The following BRD8 variants were observed in gnomAD, a reference collection of about 807,000 sequenced individuals.
BRD8 encodes bromodomain containing 8, also known as bromodomain-containing protein 8.
In BRD8, 67 loss-of-function variants were observed where a neutral mutation model predicts 143.1. The ratio of observed to expected loss-of-function variants is 0.47; its 90% confidence interval spans 0.38 to 0.57. BRD8 has a LOEUF of 0.57. Among genes scored for constraint, BRD8 ranks in the 20% least tolerant of loss-of-function variants. The pLI is 0.00. For missense variants in BRD8, 1,103 were observed against 1,503.0 expected, an observed-to-expected ratio of 0.73 and a Z score of 4.40; for synonymous variants, 505 against 517.1, an observed-to-expected ratio of 0.98 and a Z score of 0.32.
intron 23 of BRD8, 59 bp downstream of exon 23, chr5:138,149,581 C>A: frequency 2.2e-6 from 3 of 1,376,970 alleles, no homozygotes; most frequent in Admixed American, 2.7e-5. Flanking sequence ...TTTCATGATT[C>A]AAATAGGCAT....
intron 8 of BRD8, chr5:138,168,754 T>G (rs761779856): frequency 1.9e-5 from 15 of 796,820 alleles, no homozygotes; most frequent in Non-Finnish European, 3.2e-5. Flanking sequence ...CTAATCTGTA[T>G]GGGTTAGTGT....
At position 138,139,833 on chromosome 5, in the gene BRD8, T is replaced by C. The variant is rs1222944960; in HGVS notation, c.*241A>G. Reference sequence around the variant, plus strand: ...AGAAAAGATCTAATGGAATTGTCTTTAAATCAAGCCGATGGAACAAAGATG... The same window carrying C: ...AGAAAAGATCTAATGGAATTGTCTTCAAATCAAGCCGATGGAACAAAGATG... On this transcript the variant is annotated 3_prime_UTR_variant, in exon 27 of 27. Transcript: ENST00000254900. The C allele has an allele frequency of 1.0e-5, 5 of 499,898 alleles. No individual in the cohort carries two copies. Among genetic ancestry groups the C allele is most frequent in the Non-Finnish European group, 1.8e-5 (5 of 283,582 alleles). 31.0% of individuals were successfully genotyped at this position (499,898 alleles called of 1,614,324 possible).
At chr5:138,165,720 T>C (rs1753351108) in intron 11 of BRD8, 108 bp downstream of exon 11, 11 of 1,186,182 alleles carry the variant, frequency 9.3e-6, no homozygotes, top group Middle Eastern at 2.8e-4. Flanking sequence ...AGCAAGACTC[T>C]GTCTCCAAAA....
rs536828821 is a variant in BRD8, at chr5:138,173,332, A to G, written c.117-1198T>C. ...ACAATCACTTAAATCCAGGAGGTGG[A>G]GGTTGCAGTGAGCCGAGATCGTGCC... On this transcript the variant is annotated intron_variant, in intron 2 of 26. Transcript: ENST00000254900. Among the ~76,000 whole-genome samples the G allele has an allele frequency of 4.0e-5, 6 of 151,660 alleles. No homozygotes were observed. The East Asian group carries it at 9.7e-4, about 25-fold the overall frequency.
intron 2 of BRD8, among the ~76,000 whole-genome samples, chr5:138,175,198 T>G (rs1754223498): frequency 6.6e-6 from 1 of 152,180 alleles, no homozygotes; most frequent in Admixed American, 6.5e-5. Context: ...ACTTAAGTTT[T>G]TAACCCATTT....
rs574971500 is a variant in BRD8, at chr5:138,161,151, T to C, written c.2250-83A>G. On this transcript the variant is annotated intron_variant, in intron 17 of 26. Coordinates refer to ENST00000254900, the MANE Select transcript of BRD8 (RefSeq NM_139199.2). ...TCTATGAATACATTATCATATAGACTTTCTCATATATACCTTAACTCCCAG... is the reference window on the plus strand; with the variant it reads ...TCTATGAATACATTATCATATAGACCTTCTCATATATACCTTAACTCCCAG... The C allele has an allele frequency of 5.6e-5, 63 of 1,121,548 alleles. 2 individuals are homozygous for C. In the South Asian group the frequency reaches 1.0e-3, roughly 18 times the overall value. 69.5% of individuals were successfully genotyped at this position (1,121,548 alleles called of 1,614,324 possible).
intron 8 of BRD8, 77 bp downstream of exon 8, chr5:138,169,144 AG>A: frequency 6.6e-7 from 1 of 1,507,698 alleles, no homozygotes; most frequent in Non-Finnish European, 8.9e-7. Flanking sequence ...CTAGGCCAAA[AG>A]TGGTTTCCTC....
intron 2 of BRD8, 44 bp downstream of exon 2, chr5:138,177,527 A>T: frequency 8.5e-7 from 1 of 1,173,854 alleles, no homozygotes; most frequent in Non-Finnish European, 1.3e-6. Flanking sequence ...AGAGTATCTA[A>T]CAATTTCTAA....
At chr5:138,173,818 AACTATAGGCAC>A (rs1754085125) in intron 2 of BRD8, among the ~76,000 whole-genome samples, 1 of 152,102 alleles carries the variant, frequency 6.6e-6, no homozygotes, top group Admixed American at 6.5e-5. Context: ...GAGTAGCTGG[AACTATAGGCAC>A]ACACCACCAG....
At chr5:138,168,319 A>G in intron 8 of BRD8, 1 of 698,208 alleles carries the variant, frequency 1.4e-6, no homozygotes, top group South Asian at 1.7e-5. Flanking sequence ...GGGTACTATC[A>G]ACTTACTGTA....
intron 18 of BRD8, among the ~76,000 whole-genome samples, chr5:138,160,665 T>C (rs1400872569): frequency 1.3e-5 from 2 of 152,216 alleles, no homozygotes; most frequent in African/African-American, 4.8e-5. Context: ...ATTTAAAAAC[T>C]TTATGAAACT....
At position 138,165,037 on chromosome 5, in the gene BRD8, G is replaced by A; in HGVS notation, c.1408C>T (p.Pro470Ser). 6.2e-7 allele frequency: 1 copy of A among 1,614,108 alleles called. No individual in the cohort carries two copies. Among genetic ancestry groups the A allele is most frequent in the South Asian group, 1.1e-5 (1 of 91,072 alleles). The change falls in exon 12 of 27, where the codon CCA becomes TCA. Residue 470 changes from proline to serine, a missense_variant. Coordinates refer to ENST00000254900, the MANE Select transcript of BRD8 (RefSeq NM_139199.2). ...EHPIQQERDK[P>S]VPLPAPEMTV... ...ATTTCTGGTGCAGGGAGAGGTACTG[G>A]CTTGTCCCGCTCCTGCTGGATAGGA...
At chr5:138,144,524 C>A (rs753934455) in intron 25 of BRD8, among the ~76,000 whole-genome samples, 1 of 152,172 alleles carries the variant, frequency 6.6e-6, no homozygotes, top group Non-Finnish European at 1.5e-5. Flanking sequence ...ATACCTATAA[C>A]TAACTGAATA....
intron 7 of BRD8, 83 bp from the exon 8 acceptor site, chr5:138,169,441 G>C: frequency 6.9e-7 from 1 of 1,453,786 alleles, no homozygotes; most frequent in Non-Finnish European, 9.4e-7. Context: ...ATACAATAAA[G>C]GACAAATAGG....
rs538191034 is a variant in BRD8, at chr5:138,170,844, T to C, written c.428A>G (p.Asn143Ser). The C allele has an allele frequency of 2.5e-6, 4 of 1,614,068 alleles. No individual in the cohort carries two copies. The highest frequency in any genetic ancestry group is 2.2e-5 in the South Asian group (2 of 91,074). The change falls in exon 6 of 27, where the codon AAT (asparagine) becomes AGT (serine). Residue 143 changes from asparagine to serine, a missense_variant. Around this residue, in one of 7 missense-constraint regions of BRD8, gnomAD observed 334 missense variants for 372.5 expected, o/e 0.90. Transcript: ENST00000254900. ...TAATATAACCCACGTTGCAATGTCATTGCAAAGCTCATCCAGTCTGCTGTC... is the reference window on the plus strand; with the variant it reads ...TAATATAACCCACGTTGCAATGTCACTGCAAAGCTCATCCAGTCTGCTGTC... ...HMDSRLDELC[N>S]DIATKKKLEE...
intron 20 of BRD8, chr5:138,157,990 G>A (rs1422454834): frequency 6.6e-6 from 1 of 152,128 alleles, no homozygotes; most frequent in African/African-American, 2.4e-5. Context: ...TGCTGGGCCA[G>A]GCCATTTTTA....
rs1753220081 is a variant in BRD8 at position 138,164,187 on chromosome 5, C to T, written c.1826-54G>A. ...ATTTTTCCACCTTAGCCTTCCCCTT[C>T]CTATGGACCATAATCCCCTGCAGCT... On this transcript the variant is annotated intron_variant, in intron 13 of 26. Coordinates refer to ENST00000254900, the MANE Select transcript of BRD8 (RefSeq NM_139199.2). 3 of 1,595,998 alleles carry T rather than the reference C, an allele frequency of 1.9e-6. No homozygotes were observed. In the African/African-American group the frequency reaches 4.0e-5, roughly 21 times the overall value.
chr5:138,152,612 G>A lies in BRD8; in HGVS notation c.2726C>T (p.Ala909Val). ...CGGGCTGCTTTCCTCTAGTTCCTCA[G>A]CCTCTGGATCCTCAGTTTCCCTCCA... is the stretch of plus-strand genomic sequence containing the variant. Reference protein sequence around the residue: ...GNWRETEDPEAEELEESSPER... With the variant: ...GNWRETEDPEVEELEESSPER... Residue 909 changes from alanine (A) to valine (V), a missense_variant, in exon 21 of 27, where the codon GCT (alanine) becomes GTT (valine). Coordinates refer to ENST00000254900, the MANE Select transcript of BRD8 (RefSeq NM_139199.2). 6.2e-7 allele frequency: 1 copy of A among 1,614,138 alleles called. No homozygotes were observed. The highest frequency in any genetic ancestry group is 8.5e-7 in the Non-Finnish European group (1 of 1,180,026).
chr5:138,148,176 A>AAAAAAAAAAAAG (rs1752233954), intron 23 of BRD8, among the ~76,000 whole-genome samples: 2 of 146,932 alleles, frequency 1.4e-5, no homozygotes, highest in East Asian at 1.9e-4. Context: ...AAAAAAAAAA[A>AAAAAAAAAAAAG]GAAAAAAAAA....
Sources: allele counts gnomAD v4.1 joint callset (sites outside exome capture counted in the v4.1 genomes callset), GRCh38; gene constraint gnomAD v4.1.1; regional missense constraint gnomAD v4.1.1; transcripts MANE v1.5; gene names NCBI Gene and HGNC (gene_info 2026-07-23, HGNC 2026-07-21).